The following ALKBH7 variants were observed in gnomAD, a reference collection of about 807,000 sequenced individuals.
The protein encoded by ALKBH7 is alkB homolog 7, RNA demethylase.
In ALKBH7, 21 loss-of-function variants were observed where a neutral mutation model predicts 19.3. That is an observed-to-expected ratio of 1.09 (90% CI 0.77 to 1.56). The LOEUF is 1.56. Among genes scored for constraint, ALKBH7 ranks in the 40% most tolerant of loss-of-function variants. ALKBH7 has a pLI of 0.00. For missense variants in ALKBH7, 354 were observed against 311.4 expected, an observed-to-expected ratio of 1.14 and a Z score of -1.03; for synonymous variants, 147 against 139.5, an observed-to-expected ratio of 1.05 and a Z score of -0.38.
intron 1 of ALKBH7, 108 bp downstream of exon 1, chr19:6,373,132 C>T: frequency 1.5e-6 from 2 of 1,338,412 alleles, no homozygotes; most frequent in Non-Finnish European, 9.8e-7. Flanking sequence ...GTACCTAGAG[C>T]GGGGATTTGG....
Position 6,374,568 on chromosome 19 carries a change from C to G in ALKBH7, c.482C>G (p.Pro161Arg), listed in dbSNP as rs987311570. The change falls in exon 3 of 4, where the codon CCG (proline) becomes CGG (arginine). Residue 161 changes from proline to arginine, a missense_variant. Pro to Arg is a moderately radical substitution (Grantham distance 103, BLOSUM62 -2). Coordinates refer to ENST00000245812, the MANE Select transcript of ALKBH7 (RefSeq NM_032306.4). ...PGEWLELLLEPGSLYILRGSA... is the reference protein window; with the variant it reads ...PGEWLELLLERGSLYILRGSA... ...GAGTGGCTGGAACTCTTGCTGGAGC[C>G]GGGCTCCCTCTACATCCTTAGGTAC... 1.3e-5 allele frequency: 21 copies of G among 1,613,502 alleles called. No homozygotes were observed. Among genetic ancestry groups the G allele is most frequent in the Non-Finnish European group, 1.7e-5 (20 of 1,179,980 alleles).
At chr19:6,373,725 C>A (rs2091905051) in intron 1 of ALKBH7, 9 of 1,258,918 alleles carry the variant, frequency 7.1e-6, no homozygotes, top group Non-Finnish European at 8.9e-6. Flanking sequence ...TGGGATGGGG[C>A]AGGGCCTTTT....
At position 6,375,040 on chromosome 19, in the gene ALKBH7, T is replaced by C; in HGVS notation, c.*67T>C. ...GGGAATGGACAGCCTAACTGGGACA[T>C]TGCAGTGGCTGCTTGCTGGGGCCGG... On this transcript the variant is annotated 3_prime_UTR_variant, in exon 4 of 4. Coordinates refer to ENST00000245812, the MANE Select transcript of ALKBH7 (RefSeq NM_032306.4). The C allele has an allele frequency of 2.7e-6, 4 of 1,508,314 alleles. No individual in the cohort carries two copies. Among genetic ancestry groups the C allele is most frequent in the South Asian group, 1.3e-5 (1 of 77,106 alleles). 93.4% of individuals were successfully genotyped at this position (1,508,314 alleles called of 1,614,324 possible).
chr19:6,373,775 A>G (rs2091905461), intron 1 of ALKBH7: 13 of 952,950 alleles, frequency 1.4e-5, no homozygotes, highest in South Asian at 3.5e-5. Context: ...GAGCTGGGCT[A>G]TGGTGGGGGC....
intron 1 of ALKBH7, chr19:6,373,646 G>C: frequency 2.4e-6 from 3 of 1,250,166 alleles, no homozygotes; most frequent in Non-Finnish European, 3.0e-6. Flanking sequence ...ATGCTGTGGG[G>C]GGGACGGGGA....
chr19:6,373,126 CTAGAGCGGGGATT>C (rs1232024436), intron 1 of ALKBH7, 102 bp downstream of exon 1: 4 of 1,400,938 alleles, frequency 2.9e-6, no homozygotes, highest in Non-Finnish European at 3.8e-6. Context: ...GGGGCGGTAC[CTAGAGCGGGGATT>C]TGGAGCGGGG....
rs145688181 is a variant in ALKBH7, at chr19:6,374,295, C to T, written c.297C>T (p.Pro99=). ...GCGTGCAGGCGGCCGCCTTTGGCCC[C>T]GGCCAGACCCTGCTCTCCTCCGTGC... is the stretch of plus-strand genomic sequence containing the variant. ...LQRVQAAAFG[P]GQTLLSSVHV... Residue 99 remains proline (P), a synonymous_variant, in exon 2 of 4, where the codon CCC becomes CCT. Transcript: ENST00000245812. The T allele has an allele frequency of 4.7e-5, 76 of 1,612,972 alleles. No individual in the cohort carries two copies. The highest frequency in any genetic ancestry group is 2.0e-4 in the African/African-American group (15 of 74,886).
chr19:6,372,929 C>T lies in ALKBH7; in HGVS notation c.109C>T (p.Pro37Ser). 6.4e-7 allele frequency: 1 copy of T among 1,565,382 alleles called. No homozygotes were observed. The highest frequency in any genetic ancestry group is 8.6e-7 in the Non-Finnish European group (1 of 1,158,010). Residue 37 changes from proline to serine, a missense_variant, in exon 1 of 4, where the codon CCT becomes TCT. Coordinates refer to ENST00000245812, the MANE Select transcript of ALKBH7 (RefSeq NM_032306.4). ...CCTGCAGGACGCGGCCGTGGTGCGG[C>T]CTGGCTTCCTGAGCACGGCAGAGGA... The part of the protein sequence containing the change: ...SRLQDAAVVR[P>S]GFLSTAEEET...
chr19:6,373,672 AG>A (rs1032141341), intron 1 of ALKBH7: 1 of 1,133,740 alleles, frequency 8.8e-7, no homozygotes, highest in Non-Finnish European at 1.1e-6. Context: ...AGGTTTAGAG[AG>A]GGCAGAACCA....
intron 1 of ALKBH7, among the ~76,000 whole-genome samples, chr19:6,373,313 G>A (rs1305028222): frequency 7.1e-6 from 1 of 140,628 alleles, no homozygotes; most frequent in Non-Finnish European, 1.6e-5. Context: ...AGACAGCGCA[G>A]GGATGGGGCG....
intron 1 of ALKBH7, among the ~76,000 whole-genome samples, 182 bp downstream of exon 1, chr19:6,373,206 C>T (rs1219503403): frequency 9.1e-6 from 1 of 109,670 alleles, no homozygotes; most frequent in Non-Finnish European, 1.8e-5. Context: ...GTTACAGTAC[C>T]GTTTAGCGTG....
chr19:6,373,151 C>G (rs1017045267), intron 1 of ALKBH7, 127 bp downstream of exon 1: 1 of 1,276,316 alleles, frequency 7.8e-7, no homozygotes, highest in Admixed American at 2.7e-5. Flanking sequence ...GGAGCGGGGA[C>G]AGAGGAGACG....
intron 1 of ALKBH7, chr19:6,373,989 C>T (rs2091907115): frequency 2.0e-6 from 2 of 985,138 alleles, no homozygotes; most frequent in South Asian, 9.4e-5. Context: ...GCCGGGCCAG[C>T]ATTGGGGACC....
rs760638473 is a variant in ALKBH7, at chr19:6,373,043, G to C, written c.204+19G>C. On this transcript the variant is annotated intron_variant, in intron 1 of 3. Coordinates refer to ENST00000245812, the MANE Select transcript of ALKBH7 (RefSeq NM_032306.4). The stretch of plus-strand genomic sequence containing the variant: ...GGACGCGGTGAGACCGGCAGCGCCG[G>C]GGGCGAGGGACGGGGGCTCGTCGGG... The C allele has an allele frequency of 1.3e-6, 2 of 1,548,832 alleles. No homozygotes were observed. The highest frequency in any genetic ancestry group is 1.4e-5 in the African/African-American group (1 of 72,918).
Position 6,374,802 on chromosome 19 carries a change from T to C in ALKBH7, c.504-9T>C, listed in dbSNP as rs10421175. 340,650 of 1,606,710 alleles carry C rather than the reference T, an allele frequency of 0.21. 51,917 individuals are homozygous for C. The highest frequency in any genetic ancestry group is 0.78 in the African/African-American group (58,710 of 74,868). On this transcript the variant is annotated splice_polypyrimidine_tract_variant and intron_variant, in intron 3 of 3. Transcript: ENST00000245812. The stretch of plus-strand genomic sequence containing the variant: ...CTTGCACCCAGTCACAGCCTGTTTC[T>C]TCCTGCAGGGGCTCAGCCCGTTATG...
intron 1 of ALKBH7, chr19:6,373,801 G>A (rs1456503305): frequency 7.0e-6 from 9 of 1,286,530 alleles, no homozygotes; most frequent in Admixed American, 4.0e-5. Context: ...TGAAACTCTG[G>A]CTGTGGGAGG....
chr19:6,372,852 C>A lies in ALKBH7; in HGVS notation c.32C>A (p.Thr11Lys). ...GGGACTGGGCTGCTGGCGCTGCGGA[C>A]GCTGCCAGGGCCCAGCTGGGTGCGA... MAGTGLLALR[T>K]LPGPSWVRGS... The change falls in exon 1 of 4, where the codon ACG becomes AAG. Residue 11 changes from threonine (T) to lysine (K), a missense_variant. Physicochemically the swap from Thr to Lys is moderately conservative, Grantham distance 78. Coordinates refer to ENST00000245812, the MANE Select transcript of ALKBH7 (RefSeq NM_032306.4). 6.5e-7 allele frequency: 1 copy of A among 1,548,934 alleles called. No individual in the cohort carries two copies. Among genetic ancestry groups the A allele is most frequent in the African/African-American group, 1.4e-5 (1 of 73,528 alleles).
At chr19:6,374,413 G>T in intron 2 of ALKBH7, 37 bp downstream of exon 2, 2 of 1,604,064 alleles carry the variant, frequency 1.2e-6, no homozygotes, top group Non-Finnish European at 1.7e-6. Flanking sequence ...TCCCAGCCAG[G>T]GGGTAGGCAG....
In ALKBH7 at chr19:6,372,856, G is replaced by T; in HGVS notation, c.36G>T (p.Leu12=). 6.5e-7 allele frequency: 1 copy of T among 1,549,596 alleles called. No individual in the cohort carries two copies. Among genetic ancestry groups the T allele is most frequent in the South Asian group, 1.2e-5 (1 of 84,586 alleles). ...AGTGLLALRT[L]PGPSWVRGSG... is the part of the protein sequence containing the mutation. ...CTGGGCTGCTGGCGCTGCGGACGCT[G>T]CCAGGGCCCAGCTGGGTGCGAGGCT... Residue 12 remains leucine, a synonymous_variant, in exon 1 of 4, where the codon CTG becomes CTT. Transcript: ENST00000245812.
Sources: gnomAD v4.1 joint callset for allele counts (sites outside exome capture counted in the v4.1 genomes callset) on GRCh38, gnomAD v4.1.1 for gene constraint, MANE v1.5 for transcripts, NCBI Gene and HGNC (gene_info 2026-07-23, HGNC 2026-07-21) for gene names.